The following ABCC1 variants were observed in gnomAD, a reference collection of about 807,000 sequenced individuals.
The protein encoded by ABCC1 is ATP binding cassette subfamily C member 1 (ABCC1 blood group), also known as multidrug resistance-associated protein 1.
ABCC1 carries 83 observed loss-of-function variants against 172.9 expected under a neutral mutation model. The ratio of observed to expected loss-of-function variants is 0.48; its 90% CI spans 0.40 to 0.58. The LOEUF is 0.58. Ranked by LOEUF, ABCC1 falls within the 20% of genes least tolerant of loss-of-function variation. ABCC1 has a pLI of 0.00. For synonymous variants in ABCC1, 937 were observed against 825.2 expected (o/e 1.14, Z -2.32); for missense variants, 1,817 against 2,002.7 (o/e 0.91, Z 1.77).
intron 25 of ABCC1, among the ~76,000 whole-genome samples, chr16:16,125,196 C>T (rs1197027333): frequency 6.6e-6 from 1 of 152,174 alleles, no homozygotes; most frequent in East Asian, 1.9e-4. Context: ...ATGAATTTCC[C>T]TCTAAGAACT....
intron 19 of ABCC1, among the ~76,000 whole-genome samples, chr16:16,097,428 T>A (rs5016527): frequency 1.3e-5 from 2 of 151,998 alleles, no homozygotes; most frequent in African/African-American, 4.8e-5. Context: ...GAGGGCTTTT[T>A]GGTTGTCTCT....
At chr16:16,051,293 T>C (rs1188033821) in intron 10 of ABCC1, among the ~76,000 whole-genome samples, 2 of 152,052 alleles carry the variant, frequency 1.3e-5, no homozygotes, top group Non-Finnish European at 2.9e-5. Flanking sequence ...CTTTGTCATC[T>C]CATCTAGCTG....
intron 19 of ABCC1, among the ~76,000 whole-genome samples, chr16:16,101,329 C>T (rs898037652): frequency 7.2e-5 from 11 of 152,116 alleles, no homozygotes; most frequent in Admixed American, 2.0e-4. Flanking sequence ...CCACCGTGCC[C>T]GGCGGCCACC....
chr16:16,119,708 T>G (rs1205607310), intron 23 of ABCC1, among the ~76,000 whole-genome samples: 1 of 152,108 alleles, frequency 6.6e-6, no homozygotes, highest in Non-Finnish European at 1.5e-5. Context: ...AATAAGATCA[T>G]TCCTGAACAA....
At chr16:16,023,248 A>C (rs1056383304) in intron 5 of ABCC1, among the ~76,000 whole-genome samples, 1 of 152,174 alleles carries the variant, frequency 6.6e-6, no homozygotes, top group African/African-American at 2.4e-5. Context: ...GAAATATATT[A>C]GTATTCTTTC....
chr16:15,993,141 C>T (rs1006314904), intron 1 of ABCC1, among the ~76,000 whole-genome samples: 12 of 152,290 alleles, frequency 7.9e-5, no homozygotes, highest in African/African-American at 2.9e-4. Flanking sequence ...CTTAAGAGGA[C>T]AGAGATATCG....
chr16:16,046,370 G>A (rs2151883745), intron 9 of ABCC1, among the ~76,000 whole-genome samples: 1 of 151,450 alleles, frequency 6.6e-6, no homozygotes, highest in South Asian at 2.1e-4. Context: ...TTTGAGACCA[G>A]GTCTCACTCT....
chr16:16,056,385 C>T lies in ABCC1; in HGVS notation c.1677+90C>T, dbSNP rs919117986. ...ATATTTTTAAAAGGTCACTATGTTGCCCAGGTGCAGTGGCTCATGCTTGGT... is the reference window on the plus strand; with the variant it reads ...ATATTTTTAAAAGGTCACTATGTTGTCCAGGTGCAGTGGCTCATGCTTGGT... On this transcript the variant is annotated intron_variant, in intron 12 of 30. Transcript: ENST00000399410. 33 of 1,437,308 alleles carry T rather than the reference C, an allele frequency of 2.3e-5. No homozygotes were observed. In the African/African-American group the frequency reaches 3.8e-4, roughly 16 times the overall value. The allele number at this position is 1,437,308 out of a possible 1,614,324, so 89.0% of individuals were successfully genotyped here.
chr16:16,049,252 A>G (rs2049333371), intron 10 of ABCC1, among the ~76,000 whole-genome samples: 2 of 152,202 alleles, frequency 1.3e-5, no homozygotes, highest in East Asian at 3.8e-4. Context: ...CTGCACAGCC[A>G]GAGTCAGTCT....
At chr16:16,057,647 C>CA (rs2049724094) in intron 12 of ABCC1, among the ~76,000 whole-genome samples, 1 of 152,034 alleles carries the variant, frequency 6.6e-6, no homozygotes, top group African/African-American at 2.4e-5. Flanking sequence ...GAAAAATGGA[C>CA]AAGCATATAG....
chr16:16,040,544 C>T (rs942595025), intron 7 of ABCC1, among the ~76,000 whole-genome samples: 2 of 152,112 alleles, frequency 1.3e-5, no homozygotes, highest in Admixed American at 6.6e-5. Context: ...GCCTCGGCCT[C>T]CCAAAGTGCT....
chr16:16,124,912 G>T lies in ABCC1; in HGVS notation c.3714G>T (p.Leu1238Phe). Reference sequence around the variant, plus strand: ...TGGGCCTCTCAGTGTCTTACTCATTGCAGGTAAGAGGGGATGCTCTTGGCT... The same window carrying T: ...TGGGCCTCTCAGTGTCTTACTCATTTCAGGTAAGAGGGGATGCTCTTGGCT... ...GLVGLSVSYSLQVTTYLNWLV... is the reference protein window; with the variant it reads ...GLVGLSVSYSFQVTTYLNWLV... The change falls in exon 25 of 31, where the codon TTG (leucine) becomes TTT (phenylalanine). Residue 1238 changes from leucine (L) to phenylalanine (F), a missense_variant. Physicochemically the swap from Leu to Phe is conservative, Grantham distance 22. Coordinates refer to ENST00000399410, the MANE Select transcript of ABCC1 (RefSeq NM_004996.4). The T allele has an allele frequency of 6.2e-7, 1 of 1,614,216 alleles. No homozygotes were observed. The highest frequency in any genetic ancestry group is 8.5e-7 in the Non-Finnish European group (1 of 1,180,040).
chr16:16,002,166 CG>C (rs1304904263), intron 1 of ABCC1, among the ~76,000 whole-genome samples: 1 of 152,016 alleles, frequency 6.6e-6, no homozygotes, highest in African/African-American at 2.4e-5. Context: ...ACAAAGCAGC[CG>C]TAACAAAGAG....
At chr16:15,982,208 C>A (rs1220873647) in intron 1 of ABCC1, among the ~76,000 whole-genome samples, 2 of 152,170 alleles carry the variant, frequency 1.3e-5, no homozygotes, top group Non-Finnish European at 2.9e-5. Context: ...GTTGCTTCCA[C>A]ATTTTTGGGT....
chr16:16,072,523 A>G (rs1361086288), intron 14 of ABCC1, among the ~76,000 whole-genome samples: 2 of 137,440 alleles, frequency 1.5e-5, no homozygotes, highest in Non-Finnish European at 3.1e-5. Flanking sequence ...TTATTTGGAG[A>G]GACAAGGTCT....
chr16:16,046,918 G>A (rs1357367116), intron 9 of ABCC1, among the ~76,000 whole-genome samples: 1 of 152,078 alleles, frequency 6.6e-6, no homozygotes, highest in Non-Finnish European at 1.5e-5. Context: ...ATGCAGGCCA[G>A]GCACTGTAGC....
chr16:16,100,017 C>A (rs180921020), intron 19 of ABCC1, among the ~76,000 whole-genome samples: 1 of 152,144 alleles, frequency 6.6e-6, no homozygotes, highest in East Asian at 1.9e-4. Context: ...ACCCAAGAGG[C>A]AGAGGTTGCA....
intron 1 of ABCC1, among the ~76,000 whole-genome samples, chr16:15,950,525 C>T (rs923162636): frequency 3.9e-5 from 6 of 152,128 alleles, no homozygotes; most frequent in Admixed American, 3.9e-4. Flanking sequence ...CGTGGAGCTC[C>T]TCTCTGGGGA....
At chr16:16,039,680 C>G (rs1379311518) in intron 7 of ABCC1, among the ~76,000 whole-genome samples, 1 of 152,146 alleles carries the variant, frequency 6.6e-6, no homozygotes, top group Admixed American at 6.6e-5. Flanking sequence ...TTTCGAGCCT[C>G]TGGCATCCTG....
Sources: gnomAD v4.1 joint callset for allele counts (sites outside exome capture counted in the v4.1 genomes callset) on GRCh38, gnomAD v4.1.1 for gene constraint, MANE v1.5 for transcripts, NCBI Gene and HGNC (gene_info 2026-07-23, HGNC 2026-07-21) for gene names.